KRABD5: variants seen among roughly 807,000 people sequenced by gnomAD.
KRABD5 encodes the protein KRAB domain-containing protein 5.
At chr16:31,755,328 A>G in the KRABD5 span, 1 of 505,912 alleles carries the variant, frequency 2.0e-6, no homozygotes, top group South Asian at 1.5e-5. Flanking sequence ...AAAGCCTTTA[A>G]TTGTAGTTCA....
chr16:31,743,060 C>T, the KRABD5 span, among the ~76,000 whole-genome samples: 1 of 152,032 alleles, frequency 6.6e-6, no homozygotes, highest in Non-Finnish European at 1.5e-5. Context: ...GGATATTAGA[C>T]CTTTGTCAGA....
the KRABD5 span, chr16:31,754,013 T>C: frequency 7.7e-7 from 1 of 1,292,388 alleles, no homozygotes; most frequent in Non-Finnish European, 1.1e-6. Flanking sequence ...AAACTCAATT[T>C]ATGTCAGTTG....
At chr16:31,725,518 T>C in the KRABD5 span, among the ~76,000 whole-genome samples, 1 of 152,254 alleles carries the variant, frequency 6.6e-6, no homozygotes, top group Admixed American at 6.5e-5. Flanking sequence ...TTTCCCATAA[T>C]GGCTGGATCA....
the KRABD5 span, among the ~76,000 whole-genome samples, chr16:31,726,039 T>C: frequency 6.6e-6 from 1 of 152,228 alleles, no homozygotes; most frequent in African/African-American, 2.4e-5. Flanking sequence ...TGGTGTGAAA[T>C]CTAAAAAATT....
At chr16:31,748,497 C>G in the KRABD5 span, among the ~76,000 whole-genome samples, 7 of 152,286 alleles carry the variant, frequency 4.6e-5, no homozygotes, top group Middle Eastern at 3.4e-3. Flanking sequence ...CTCCTCTAAC[C>G]TTTTATGAAG....
chr16:31,722,042 T>A, the KRABD5 span, among the ~76,000 whole-genome samples: 1 of 151,822 alleles, frequency 6.6e-6, no homozygotes, highest in African/African-American at 2.4e-5. Flanking sequence ...TGTATACTCC[T>A]ATGTTGATGC....
the KRABD5 span, chr16:31,753,801 AAG>A: frequency 6.5e-7 from 1 of 1,532,624 alleles, no homozygotes; most frequent in East Asian, 2.5e-5. Context: ...CCTCTTAAGA[AAG>A]AAGCTTATAG....
At chr16:31,713,682 G>T in the KRABD5 span, among the ~76,000 whole-genome samples, 1 of 152,244 alleles carries the variant, frequency 6.6e-6, no homozygotes, top group African/African-American at 2.4e-5. Context: ...CCGCAGCCCG[G>T]CGTCTCCCGA....
chr16:31,745,940 C>G, the KRABD5 span, among the ~76,000 whole-genome samples: 1 of 152,002 alleles, frequency 6.6e-6, no homozygotes, highest in Non-Finnish European at 1.5e-5. Context: ...AGGATTGCAA[C>G]CCCTGCTTTT....
the KRABD5 span, chr16:31,754,491 G>A: frequency 6.3e-6 from 4 of 634,920 alleles, no homozygotes; most frequent in South Asian, 3.1e-5. Flanking sequence ...ACAACATTAA[G>A]CCAAGGCATA....
At chr16:31,753,240 A>G in the KRABD5 span, among the ~76,000 whole-genome samples, 1 of 151,894 alleles carries the variant, frequency 6.6e-6, no homozygotes, top group East Asian at 1.9e-4. Flanking sequence ...GGAGCCTTTA[A>G]TCTCCCCCTT....
At chr16:31,759,398 C>G in the KRABD5 span, 1 of 1,538,222 alleles carries the variant, frequency 6.5e-7, no homozygotes, top group Non-Finnish European at 8.8e-7. Flanking sequence ...AAGATAATCT[C>G]TGCTTGAGAA....
the KRABD5 span, among the ~76,000 whole-genome samples, chr16:31,727,369 G>T: frequency 1.3e-5 from 2 of 152,214 alleles, no homozygotes; most frequent in East Asian, 1.9e-4. Context: ...GAATTCAAGT[G>T]CAAGATAGTG....
At chr16:31,727,280 C>G in the KRABD5 span, among the ~76,000 whole-genome samples, 1 of 151,988 alleles carries the variant, frequency 6.6e-6, no homozygotes, top group Non-Finnish European at 1.5e-5. Flanking sequence ...CTTTTTTTTA[C>G]CTAATTGCTC....
At chr16:31,747,634 C>T in the KRABD5 span, among the ~76,000 whole-genome samples, 24 of 152,330 alleles carry the variant, frequency 1.6e-4, no homozygotes, top group African/African-American at 5.5e-4. Flanking sequence ...TATTTCTCCA[C>T]ATCCTCTCCA....
the KRABD5 span, among the ~76,000 whole-genome samples, chr16:31,739,337 T>C: frequency 1.3e-5 from 2 of 152,192 alleles, no homozygotes; most frequent in Non-Finnish European, 2.9e-5. Context: ...TCTTGATTGG[T>C]AGTTGTCATT....
the KRABD5 span, among the ~76,000 whole-genome samples, chr16:31,745,008 TTTCTC>T: frequency 2.4e-4 from 37 of 151,982 alleles, no homozygotes; most frequent in African/African-American, 7.5e-4. Context: ...ATTTGATTCT[TTTCTC>T]TTCTTTATTA....
chr16:31,757,606 T>G, the KRABD5 span: 2 of 152,228 alleles, frequency 1.3e-5, no homozygotes, highest in Non-Finnish European at 2.9e-5. Context: ...TGTATTCTAC[T>G]GAGTAATATT....
At chr16:31,753,803 G>T in the KRABD5 span, 23 of 1,532,254 alleles carry the variant, frequency 1.5e-5, no homozygotes, top group East Asian at 1.7e-4. Context: ...TCTTAAGAAA[G>T]AAGCTTATAG....
Sources: allele counts gnomAD v4.1 joint callset (sites outside exome capture counted in the v4.1 genomes callset), GRCh38; gene constraint gnomAD v4.1.1; transcripts MANE v1.5; gene names NCBI Gene and HGNC (gene_info 2026-07-23, HGNC 2026-07-21).